FUT9: variants seen among roughly 807,000 people sequenced by gnomAD.
The protein encoded by FUT9 is 4-galactosyl-N-acetylglucosaminide 3-alpha-L-fucosyltransferase 9.
FUT9 carries 15 observed loss-of-function variants against 29.7 expected under a neutral mutation model. The ratio of observed to expected loss-of-function variants is 0.51; its 90% CI spans 0.34 to 0.78. FUT9 has a LOEUF of 0.78. FUT9 is among the 30% of genes least tolerant of loss of function. FUT9 has a pLI of 0.01. For missense variants in FUT9, 319 were observed against 425.4 expected (o/e 0.75, Z 2.20); for synonymous variants, 169 against 153.7 (o/e 1.10, Z -0.74).
chr6:96,105,325 C>T (rs1316443610), intron 1 of FUT9, among the ~76,000 whole-genome samples: 1 of 152,122 alleles, frequency 6.6e-6, no homozygotes, highest in Non-Finnish European at 1.5e-5. Context: ...ATAGAAATTG[C>T]AGTTAAAATT....
chr6:96,068,951 G>A (rs9485642), intron 1 of FUT9, among the ~76,000 whole-genome samples: 84,348 of 151,974 alleles, frequency 0.56, 23,522 homozygotes, highest in South Asian at 0.64. Context: ...CTTTTTGTAC[G>A]CAGATAATAA....
At chr6:96,130,436 A>G (rs957712516) in intron 2 of FUT9, among the ~76,000 whole-genome samples, 17 of 152,114 alleles carry the variant, frequency 1.1e-4, no homozygotes, top group African/African-American at 3.9e-4. Flanking sequence ...TCAGTGACAC[A>G]ATAACATGGG....
intron 2 of FUT9, among the ~76,000 whole-genome samples, chr6:96,174,186 C>T (rs182883613): frequency 6.6e-6 from 1 of 152,022 alleles, no homozygotes; most frequent in Non-Finnish European, 1.5e-5. Flanking sequence ...TAAATAAATA[C>T]AAACTTTTCA....
At position 96,203,794 on chromosome 6, in the gene FUT9, T is replaced by C. The variant is rs1773773689; in HGVS notation, c.639T>C (p.Ile213=). The C allele has an allele frequency of 1.2e-6, 2 of 1,613,778 alleles. No individual in the cohort carries two copies. Residue 213 remains isoleucine (I), a synonymous_variant, in exon 3 of 3, where the codon ATT becomes ATC. Coordinates refer to ENST00000302103, the MANE Select transcript of FUT9 (RefSeq NM_006581.4). ...ATTACAATGAGCTAAGCAAAAGCAT[T>C]GAAATCCATACCTACGGGCAAGCAT... is the stretch of plus-strand genomic sequence containing the variant. ...VKYYNELSKS[I]EIHTYGQAFG... is the part of the protein sequence containing the mutation.
intron 2 of FUT9, among the ~76,000 whole-genome samples, chr6:96,201,045 C>T (rs1443539892): frequency 6.6e-6 from 1 of 151,692 alleles, no homozygotes; most frequent in African/African-American, 2.4e-5. Context: ...ATGAGCTAAG[C>T]TTCTTTCTTA....
chr6:96,152,357 C>A (rs1772693115), intron 2 of FUT9, among the ~76,000 whole-genome samples: 1 of 152,098 alleles, frequency 6.6e-6, no homozygotes, highest in African/African-American at 2.4e-5. Flanking sequence ...TGGCACCCAC[C>A]CTGTCTTCTA....
intron 2 of FUT9, among the ~76,000 whole-genome samples, chr6:96,141,810 C>A (rs892344340): frequency 3.3e-5 from 5 of 152,210 alleles, no homozygotes; most frequent in African/African-American, 9.7e-5. Context: ...CACAGTACTA[C>A]TTCTCCAGAT....
rs1773784793 is a variant in FUT9, at chr6:96,204,240, T to G, written c.*5T>G. 7.0e-7 allele frequency: 1 copy of G among 1,436,288 alleles called. No homozygotes were observed. The highest frequency in any genetic ancestry group is 2.6e-5 in the Admixed American group (1 of 38,876). The allele number at this position is 1,436,288 out of a possible 1,614,324, so 89.0% of individuals were successfully genotyped here. A position where few individuals can be genotyped will look rare whatever the true frequency, so the allele number is the denominator to read the frequency against. ...GAGAAATGGTTTTGGAATTAAAATTTTTCATCACTTGCACACTTGATAAAT... is the reference window on the plus strand; with the variant it reads ...GAGAAATGGTTTTGGAATTAAAATTGTTCATCACTTGCACACTTGATAAAT... On this transcript the variant is annotated 3_prime_UTR_variant, in exon 3 of 3. Transcript: ENST00000302103.
intron 1 of FUT9, among the ~76,000 whole-genome samples, chr6:96,075,982 T>C (rs1262927895): frequency 6.6e-6 from 1 of 152,190 alleles, no homozygotes; most frequent in Non-Finnish European, 1.5e-5. Context: ...AAAGGATAGT[T>C]ACACAAGCTG....
At chr6:96,094,835 G>A (rs1771468592) in intron 1 of FUT9, among the ~76,000 whole-genome samples, 1 of 151,812 alleles carries the variant, frequency 6.6e-6, no homozygotes, top group Non-Finnish European at 1.5e-5. Flanking sequence ...ACAAGTTTTT[G>A]TTGTTGTCAT....
chr6:96,020,600 T>TA (rs74986574), intron 1 of FUT9, among the ~76,000 whole-genome samples: 14,355 of 151,998 alleles, frequency 0.094, 1,851 homozygotes, highest in African/African-American at 0.28. Flanking sequence ...CATTACTGCG[T>TA]AAAAAAATAA....
At chr6:96,149,501 C>T (rs1413460321) in intron 2 of FUT9, among the ~76,000 whole-genome samples, 1 of 152,160 alleles carries the variant, frequency 6.6e-6, no homozygotes, top group Non-Finnish European at 1.5e-5. Context: ...TAGAGAAGTA[C>T]TGCAATTTCA....
chr6:96,019,902 A>G (rs754568198), intron 1 of FUT9, among the ~76,000 whole-genome samples: 2 of 152,260 alleles, frequency 1.3e-5, no homozygotes, highest in South Asian at 2.1e-4. Flanking sequence ...TCCTGATTCC[A>G]TGCTGTATTT....
chr6:96,204,809 T>C lies in FUT9; in HGVS notation c.*574T>C, dbSNP rs1773797353. The C allele has an allele frequency of 6.0e-6, 1 of 166,672 alleles. No homozygotes were observed. Among genetic ancestry groups the C allele is most frequent in the African/African-American group, 2.4e-5 (1 of 41,464 alleles). The allele number at this position is 166,672 out of a possible 1,614,324, so 10.3% of individuals were successfully genotyped here. On this transcript the variant is annotated 3_prime_UTR_variant, in exon 3 of 3. Coordinates refer to ENST00000302103, the MANE Select transcript of FUT9 (RefSeq NM_006581.4). ...ATTCATGGAGTGAATAAGAAAGATA[T>C]GAAGCAGAACTGTTCTATTCGGGAA...
At chr6:96,111,370 A>G (rs1208271844) in intron 1 of FUT9, among the ~76,000 whole-genome samples, 2 of 152,198 alleles carry the variant, frequency 1.3e-5, no homozygotes, top group Non-Finnish European at 2.9e-5. Context: ...AATATAGGGA[A>G]TGGAGAAAAT....
intron 1 of FUT9, among the ~76,000 whole-genome samples, chr6:96,018,807 A>C (rs2127919768): frequency 6.6e-6 from 1 of 152,130 alleles, no homozygotes; most frequent in Non-Finnish European, 1.5e-5. Context: ...AAGGAAGAGA[A>C]AGCTGCAGGA....
intron 1 of FUT9, among the ~76,000 whole-genome samples, chr6:96,091,007 T>C (rs1190277055): frequency 6.6e-6 from 1 of 152,072 alleles, no homozygotes; most frequent in Non-Finnish European, 1.5e-5. Flanking sequence ...CATCAATAAA[T>C]GTTAAAGCCA....
Position 96,188,467 on chromosome 6 carries a change from C to T in FUT9, c.-8-14681C>T, listed in dbSNP as rs1773444034. On this transcript the variant is annotated intron_variant, in intron 2 of 2. Transcript: ENST00000302103. ...ATGAGCCACTGCACTCAGTTGTCAACATTTATTCTTAAAGCAATACGTGTG... is the reference window on the plus strand; with the variant it reads ...ATGAGCCACTGCACTCAGTTGTCAATATTTATTCTTAAAGCAATACGTGTG... 2.0e-5 allele frequency among the ~76,000 whole-genome samples: 3 copies of T among 152,006 alleles called. No individual in the cohort carries two copies. The South Asian group carries it at 6.2e-4, about 31-fold the overall frequency.
At chr6:96,172,937 T>A (rs978621468) in intron 2 of FUT9, among the ~76,000 whole-genome samples, 2 of 152,150 alleles carry the variant, frequency 1.3e-5, no homozygotes, top group African/African-American at 2.4e-5. Context: ...GAAAAAATTT[T>A]AAAAACAGAA....
Sources: gnomAD v4.1 joint callset for allele counts (sites outside exome capture counted in the v4.1 genomes callset) on GRCh38, gnomAD v4.1.1 for gene constraint, MANE v1.5 for transcripts, NCBI Gene and HGNC (gene_info 2026-07-23, HGNC 2026-07-21) for gene names.